GOLIM4: variants seen among roughly 807,000 people sequenced by gnomAD.
The protein encoded by GOLIM4 is 130 kDa golgi-localized phosphoprotein.
GOLIM4 carries 71 observed loss-of-function variants against 107.4 expected under a neutral mutation model. That is an observed-to-expected ratio of 0.66 (90% CI 0.55 to 0.81). The LOEUF (loss-of-function observed/expected upper bound fraction) is 0.81, where lower values mean the gene tolerates loss of function less well. Among genes scored for constraint, GOLIM4 ranks in the 30% least tolerant of loss-of-function variants. The pLI is 0.00. For missense variants in GOLIM4, 830 were observed against 826.1 expected (o/e 1.00, Z -0.06); for synonymous variants, 327 against 294.8 (o/e 1.11, Z -1.12).
chr3:168,037,907 G>A (rs1453823476), intron 7 of GOLIM4, among the ~76,000 whole-genome samples: 2 of 152,206 alleles, frequency 1.3e-5, no homozygotes, highest in East Asian at 3.8e-4. Flanking sequence ...ATAAACACAT[G>A]CAGAGAACAC....
intron 7 of GOLIM4, among the ~76,000 whole-genome samples, 180 bp from the exon 8 acceptor site, chr3:168,037,174 C>T (rs779766718): frequency 2.7e-5 from 4 of 146,644 alleles, no homozygotes; most frequent in Admixed American, 6.8e-5. Context: ...TTTTTGAGCG[C>T]ATGCAAATTA....
intron 1 of GOLIM4, among the ~76,000 whole-genome samples, chr3:168,090,501 T>G (rs879211983): frequency 6.6e-6 from 1 of 152,126 alleles, no homozygotes; most frequent in Non-Finnish European, 1.5e-5. Flanking sequence ...ACGGCTTTTA[T>G]TAAAAAGTCA....
intron 1 of GOLIM4, among the ~76,000 whole-genome samples, chr3:168,049,059 T>A (rs547027721): frequency 6.6e-6 from 1 of 152,188 alleles, no homozygotes; most frequent in East Asian, 1.9e-4. Context: ...CAAACCGATG[T>A]TCGGTTCTGT....
chr3:168,094,327 A>G (rs573865259), intron 1 of GOLIM4, among the ~76,000 whole-genome samples: 4 of 152,232 alleles, frequency 2.6e-5, no homozygotes, highest in Non-Finnish European at 5.9e-5. Flanking sequence ...TGTGCATGGC[A>G]AAGTGAAAAC....
At chr3:168,046,421 T>TG (rs1719307700) in intron 3 of GOLIM4, among the ~76,000 whole-genome samples, 1 of 152,326 alleles carries the variant, frequency 6.6e-6, no homozygotes, top group East Asian at 1.9e-4. Context: ...CAAAGGTCTC[T>TG]GGTTTTCCTA....
intron 8 of GOLIM4, among the ~76,000 whole-genome samples, chr3:168,033,325 G>C (rs1718440338): frequency 1.3e-5 from 2 of 152,042 alleles, no homozygotes; most frequent in South Asian, 4.1e-4. Context: ...AATGCCATTG[G>C]CCGGGCGCGG....
chr3:168,034,292 A>G (rs1718515354), intron 8 of GOLIM4, among the ~76,000 whole-genome samples: 1 of 152,210 alleles, frequency 6.6e-6, no homozygotes, highest in East Asian at 1.9e-4. Context: ...AGGTTAGTGC[A>G]GATAACTCCT....
In GOLIM4 at chr3:168,009,256, A is replaced by G. The variant is rs1043970986; in HGVS notation, c.*1013T>C. The G allele has an allele frequency of 6.6e-6, 1 of 151,820 alleles. No homozygotes were observed. The highest frequency in any genetic ancestry group is 6.6e-5 in the Admixed American group (1 of 15,242). The allele number at this position is 151,820 out of a possible 1,614,324, so 9.4% of individuals were successfully genotyped here. A position where few individuals can be genotyped will look rare whatever the true frequency, so the allele number is the denominator to read the frequency against. The stretch of plus-strand genomic sequence containing the variant: ...AAAACCATAAGTCTATCATATCACC[A>G]TATGTTTCACCATATAGTTTTGAAA... On this transcript the variant is annotated 3_prime_UTR_variant, in exon 16 of 16. Transcript: ENST00000470487.
At chr3:168,066,967 A>G (rs1398169928) in intron 1 of GOLIM4, among the ~76,000 whole-genome samples, 1 of 152,140 alleles carries the variant, frequency 6.6e-6, no homozygotes, top group African/African-American at 2.4e-5. Flanking sequence ...ACAGTAGGAT[A>G]AACACACTAG....
chr3:168,048,293 T>C lies in GOLIM4; in HGVS notation c.260A>G (p.Glu87Gly). ...ACACAAATTATGTATTTACTTACCT[T>C]CCTTTGCTTTTTTATGTTCAAGTCT... ...KERLEHKKAKEDFLVYKLEAQ... is the reference protein window; with the variant it reads ...KERLEHKKAKGDFLVYKLEAQ... Residue 87 changes from glutamate to glycine, a missense_variant and splice_region_variant, in exon 2 of 16, where the codon GAA becomes GGA. Physicochemically the swap from Glu to Gly is moderately conservative, Grantham distance 98 (BLOSUM62 -2). Transcript: ENST00000470487. 4.2e-6 allele frequency: 6 copies of C among 1,431,124 alleles called. No homozygotes were observed. The highest frequency in any genetic ancestry group is 5.9e-6 in the Non-Finnish European group (6 of 1,025,190). The allele number at this position is 1,431,124 out of a possible 1,614,324, so 88.7% of individuals were successfully genotyped here.
intron 1 of GOLIM4, among the ~76,000 whole-genome samples, chr3:168,070,786 A>T (rs1298212928): frequency 6.6e-6 from 1 of 152,220 alleles, no homozygotes; most frequent in Non-Finnish European, 1.5e-5. Flanking sequence ...TGAAAGGGAA[A>T]GGTTATTTAT....
At chr3:168,061,433 A>G (rs1192448743) in intron 1 of GOLIM4, among the ~76,000 whole-genome samples, 1 of 152,206 alleles carries the variant, frequency 6.6e-6, no homozygotes, top group South Asian at 2.1e-4. Flanking sequence ...TGATGAAGGC[A>G]TATCCTAAGA....
intron 1 of GOLIM4, among the ~76,000 whole-genome samples, chr3:168,064,042 C>T (rs1042197831): frequency 6.6e-6 from 1 of 152,148 alleles, no homozygotes; most frequent in Admixed American, 6.5e-5. Flanking sequence ...TACCACCCTG[C>T]ATCATAATAT....
At chr3:168,016,775 A>G (rs1376736819) in intron 14 of GOLIM4, among the ~76,000 whole-genome samples, 2 of 138,990 alleles carry the variant, frequency 1.4e-5, no homozygotes, top group East Asian at 3.9e-4. Context: ...CATCATTCTC[A>G]GTAAACTATC....
rs532620460 is a variant in GOLIM4 at position 168,010,128 on chromosome 3, G to T, written c.*141C>A. The T allele has an allele frequency of 9.7e-6, 6 of 616,690 alleles. No individual in the cohort carries two copies. Among genetic ancestry groups the T allele is most frequent in the African/African-American group, 7.5e-5 (4 of 53,220 alleles). The allele number at this position is 616,690 out of a possible 1,614,324, so 38.2% of individuals were successfully genotyped here. The stretch of plus-strand genomic sequence containing the variant: ...AAAATATATTCATATAAATGTATGC[G>T]CATTTCTAATACAAAAGTTTTAAAA... On this transcript the variant is annotated 3_prime_UTR_variant, in exon 16 of 16. Coordinates refer to ENST00000470487, the MANE Select transcript of GOLIM4 (RefSeq NM_014498.5).
At chr3:168,011,658 A>C (rs1717040935) in intron 14 of GOLIM4, among the ~76,000 whole-genome samples, 1 of 150,292 alleles carries the variant, frequency 6.7e-6, no homozygotes, top group Non-Finnish European at 1.5e-5. Flanking sequence ...GACAGCTTGG[A>C]AGAGAGCAGT....
intron 14 of GOLIM4, among the ~76,000 whole-genome samples, chr3:168,019,807 C>T (rs1482816007): frequency 6.6e-6 from 1 of 152,046 alleles, no homozygotes; most frequent in Admixed American, 6.6e-5. Flanking sequence ...TTTATTTGTC[C>T]CACTTTTAGT....
chr3:168,094,324 G>A (rs571086815), intron 1 of GOLIM4, among the ~76,000 whole-genome samples: 17 of 152,318 alleles, frequency 1.1e-4, no homozygotes, highest in Non-Finnish European at 2.5e-4. Context: ...TGCTGTGCAT[G>A]GCAAAGTGAA....
At chr3:168,015,709 C>T (rs1387463608) in intron 14 of GOLIM4, among the ~76,000 whole-genome samples, 7 of 135,822 alleles carry the variant, frequency 5.2e-5, no homozygotes, top group Admixed American at 7.0e-5. Context: ...ATCAATGGAA[C>T]AGAACAGAGC....
Sources: gnomAD v4.1 joint callset for allele counts (sites outside exome capture counted in the v4.1 genomes callset) on GRCh38, gnomAD v4.1.1 for gene constraint, MANE v1.5 for transcripts, NCBI Gene and HGNC (gene_info 2026-07-23, HGNC 2026-07-21) for gene names.